Variants in MTUS2 observed in about 807,000 individuals in gnomAD.
The protein encoded by MTUS2 is microtubule-associated tumor suppressor candidate 2.
MTUS2 carries 40 observed loss-of-function variants against 114.1 expected under a neutral mutation model. The ratio of observed to expected loss-of-function variants is 0.35; its 90% CI spans 0.27 to 0.46. The LOEUF (loss-of-function observed/expected upper bound fraction) is 0.46, where lower values mean the gene tolerates loss of function less well. MTUS2 is among the 20% of genes least tolerant of loss of function. MTUS2 has a pLI of 1.00. For missense variants in MTUS2, 1,679 were observed against 1,705.4 expected (o/e 0.98, Z 0.27); for synonymous variants, 688 against 672.0 (o/e 1.02, Z -0.37).
intron 7 of MTUS2, among the ~76,000 whole-genome samples, chr13:29,350,113 T>C (rs1869096896): frequency 1.3e-5 from 2 of 152,118 alleles, no homozygotes; most frequent in Non-Finnish European, 2.9e-5. Context: ...ATATCTTCAC[T>C]ACTTTTCCTT....
chr13:29,083,754 A>G, intron 4 of MTUS2, among the ~76,000 whole-genome samples: 1 of 152,290 alleles, frequency 6.6e-6, no homozygotes, highest in South Asian at 2.1e-4. Context: ...ACATTGAGCC[A>G]TACTAACTGG....
At chr13:29,241,207 T>G (rs1039707193) in intron 5 of MTUS2, among the ~76,000 whole-genome samples, 1 of 152,194 alleles carries the variant, frequency 6.6e-6, no homozygotes, top group African/African-American at 2.4e-5. Flanking sequence ...CCTAGTTTTC[T>G]GTACAGCCTT....
chr13:28,908,940 A>G (rs1880225357), intron 2 of MTUS2, among the ~76,000 whole-genome samples: 1 of 151,596 alleles, frequency 6.6e-6, no homozygotes, highest in African/African-American at 2.4e-5. Flanking sequence ...CATTTATTAA[A>G]TAGGGAATCC....
At chr13:29,307,170 C>A in intron 6 of MTUS2, 2 of 497,196 alleles carry the variant, frequency 4.0e-6, no homozygotes, top group South Asian at 1.7e-5. Context: ...CCCTGATGTT[C>A]GTGATGGGCG....
chr13:29,317,103 A>G (rs1900022721), intron 6 of MTUS2, among the ~76,000 whole-genome samples: 1 of 152,178 alleles, frequency 6.6e-6, no homozygotes, highest in Non-Finnish European at 1.5e-5. Flanking sequence ...AGTCTTATCC[A>G]GGTAATAATT....
intron 6 of MTUS2, among the ~76,000 whole-genome samples, chr13:29,289,789 A>C (rs921873132): frequency 6.6e-6 from 1 of 152,140 alleles, no homozygotes; most frequent in South Asian, 2.1e-4. Context: ...CATAAAGGCT[A>C]TTTGAGTTTT....
At chr13:29,186,072 G>A (rs757674794) in intron 5 of MTUS2, among the ~76,000 whole-genome samples, 1 of 152,052 alleles carries the variant, frequency 6.6e-6, no homozygotes, top group Non-Finnish European at 1.5e-5. Flanking sequence ...AACTTAACCA[G>A]GCACGGTGGC....
chr13:29,154,211 A>G (rs950883959), intron 5 of MTUS2, among the ~76,000 whole-genome samples: 1 of 152,224 alleles, frequency 6.6e-6, no homozygotes. Context: ...TTGAGAACAT[A>G]TAAGATTTAT....
chr13:29,452,576 GT>G (rs1878780421), intron 9 of MTUS2, among the ~76,000 whole-genome samples: 1 of 3,470 alleles, frequency 2.9e-4, no homozygotes, highest in Admixed American at 5.0e-3. Context: ...ATATATATAT[GT>G]GTGTGTGTGT....
At position 29,063,530 on chromosome 13, in the gene MTUS2, T is replaced by A. The variant is rs182040322; in HGVS notation, c.2446+29405T>A. ...TCTTCTCAACATACATCCAGTTTTGTTATGAATTCTGCTTATTAAAATAAA... is the reference window on the plus strand; with the variant it reads ...TCTTCTCAACATACATCCAGTTTTGATATGAATTCTGCTTATTAAAATAAA... On this transcript the variant is annotated intron_variant, in intron 4 of 15. Coordinates refer to ENST00000612955, the MANE Select transcript of MTUS2 (RefSeq NM_001033602.4). Among the ~76,000 whole-genome samples, 330 of 152,344 alleles carry A rather than the reference T, an allele frequency of 2.2e-3. 1 individual carries two copies. Among genetic ancestry groups the A allele is most frequent in the African/African-American group, 7.6e-3 (315 of 41,572 alleles).
chr13:29,437,444 CA>C (rs1489621000), intron 8 of MTUS2, among the ~76,000 whole-genome samples: 3 of 152,078 alleles, frequency 2.0e-5, no homozygotes, highest in Admixed American at 6.5e-5. Context: ...GGGTCAGTAC[CA>C]AAATTAGTGC....
At chr13:29,415,328 C>A (rs553978959) in intron 8 of MTUS2, among the ~76,000 whole-genome samples, 1 of 152,006 alleles carries the variant, frequency 6.6e-6, no homozygotes, top group Non-Finnish European at 1.5e-5. Flanking sequence ...TTTCTTAATC[C>A]ACTTTATCCA....
At chr13:29,004,523 C>A (rs1238701551) in intron 2 of MTUS2, among the ~76,000 whole-genome samples, 1 of 152,144 alleles carries the variant, frequency 6.6e-6, no homozygotes, top group Non-Finnish European at 1.5e-5. Context: ...ATTACCTTGA[C>A]AACAAAGCAG....
intron 14 of MTUS2, among the ~76,000 whole-genome samples, chr13:29,499,662 T>C (rs993443940): frequency 3.9e-5 from 6 of 152,256 alleles, no homozygotes; most frequent in Admixed American, 2.0e-4. Context: ...ATAAGTGTTT[T>C]ATATCCTTAG....
chr13:29,123,539 A>G (rs1029828879), intron 5 of MTUS2, among the ~76,000 whole-genome samples: 3 of 152,160 alleles, frequency 2.0e-5, no homozygotes, highest in African/African-American at 7.2e-5. Flanking sequence ...CAACATGGTG[A>G]AACCTTGTCT....
At position 29,050,944 on chromosome 13, in the gene MTUS2, G is replaced by A. The variant is rs1023817911; in HGVS notation, c.2446+16819G>A. On this transcript the variant is annotated intron_variant, in intron 4 of 15. Coordinates refer to ENST00000612955, the MANE Select transcript of MTUS2 (RefSeq NM_001033602.4). Reference sequence around the variant, plus strand: ...AAGTGAGAGGAGGAGAGTGAGAGAGGAAGTAGGGAGGTGGGTGATGTACAG... The same window carrying A: ...AAGTGAGAGGAGGAGAGTGAGAGAGAAAGTAGGGAGGTGGGTGATGTACAG... Among the ~76,000 whole-genome samples the A allele has an allele frequency of 3.3e-5, 5 of 152,322 alleles. No homozygotes were observed. The East Asian group carries it at 9.7e-4, about 29-fold the overall frequency.
chr13:28,944,117 A>G (rs1882389589), intron 2 of MTUS2, among the ~76,000 whole-genome samples: 1 of 151,924 alleles, frequency 6.6e-6, no homozygotes, highest in South Asian at 2.1e-4. Flanking sequence ...TATAATATAC[A>G]TATTTTGGGG....
At chr13:29,153,805 AG>A (rs1473071472) in intron 5 of MTUS2, among the ~76,000 whole-genome samples, 1 of 152,174 alleles carries the variant, frequency 6.6e-6, no homozygotes, top group Non-Finnish European at 1.5e-5. Context: ...GTTTCACTTA[AG>A]CTGAAAAAGC....
intron 9 of MTUS2, among the ~76,000 whole-genome samples, chr13:29,443,207 T>C (rs1442373318): frequency 6.6e-6 from 1 of 152,150 alleles, no homozygotes; most frequent in Non-Finnish European, 1.5e-5. Context: ...CTCATAACTA[T>C]CCGGTGTGTA....
Sources: allele counts gnomAD v4.1 joint callset (sites outside exome capture counted in the v4.1 genomes callset), GRCh38; gene constraint gnomAD v4.1.1; transcripts MANE v1.5; gene names NCBI Gene and HGNC (gene_info 2026-07-23, HGNC 2026-07-21).